Variants in NR5A2 observed in about 807,000 individuals in gnomAD.
NR5A2 encodes the protein nuclear receptor subfamily 5 group A member 2.
In NR5A2, 26 loss-of-function variants were observed where a neutral mutation model predicts 62.7. That is an observed-to-expected ratio of 0.41 (90% CI 0.30 to 0.58). NR5A2 has a LOEUF of 0.58. Ranked by LOEUF, NR5A2 falls within the 20% of genes least tolerant of loss-of-function variation. The pLI is 0.22. For missense variants in NR5A2, 541 were observed against 669.1 expected (o/e 0.81, Z 2.11); for synonymous variants, 246 against 241.7 (o/e 1.02, Z -0.16).
At chr1:200,167,178 A>G (rs918038158) in intron 7 of NR5A2, among the ~76,000 whole-genome samples, 4 of 152,114 alleles carry the variant, frequency 2.6e-5, no homozygotes, top group Non-Finnish European at 5.9e-5. Flanking sequence ...CTAGACCTTT[A>G]TGTCTGGCCA....
At chr1:200,111,700 CT>C (rs1279799431) in intron 6 of NR5A2, among the ~76,000 whole-genome samples, 1 of 152,098 alleles carries the variant, frequency 6.6e-6, no homozygotes. Context: ...GGAGTCCTTA[CT>C]ATTTTGGAAA....
chr1:200,051,556 G>GT (rs1300310922), intron 5 of NR5A2, among the ~76,000 whole-genome samples: 1 of 152,062 alleles, frequency 6.6e-6, no homozygotes, highest in Non-Finnish European at 1.5e-5. Context: ...AAGTACAAAC[G>GT]TGAGGGTCGT....
chr1:200,075,886 G>GTTTTC (rs71132656), intron 5 of NR5A2, among the ~76,000 whole-genome samples: 7,577 of 150,330 alleles, frequency 0.05, 341 homozygotes, highest in African/African-American at 0.12. Flanking sequence ...AAGCTCTTCT[G>GTTTTC]TTTTCTTTTC....
intron 4 of NR5A2, among the ~76,000 whole-genome samples, chr1:200,046,741 G>T (rs1662383866): frequency 6.6e-6 from 1 of 152,156 alleles, no homozygotes; most frequent in South Asian, 2.1e-4. Context: ...AAATATTGTG[G>T]TAGATGCTTA....
At chr1:200,075,523 T>C (rs1424944835) in intron 5 of NR5A2, among the ~76,000 whole-genome samples, 1 of 152,378 alleles carries the variant, frequency 6.6e-6, no homozygotes, top group East Asian at 1.9e-4. Context: ...GCAAGTAGTT[T>C]AGAATTAGAC....
chr1:200,035,752 C>CT (rs1262748065), intron 1 of NR5A2, among the ~76,000 whole-genome samples: 3 of 152,104 alleles, frequency 2.0e-5, no homozygotes, highest in Non-Finnish European at 4.4e-5. Flanking sequence ...TCAATCAACA[C>CT]TTTAAGACAA....
chr1:200,120,737 G>T, intron 6 of NR5A2, 71 bp from the exon 7 acceptor site: 1 of 1,436,358 alleles, frequency 7.0e-7, no homozygotes, highest in South Asian at 1.5e-5. Context: ...TTTACCCATA[G>T]TTCTTACGAC....
intron 5 of NR5A2, 66 bp from the exon 6 acceptor site, chr1:200,111,134 CAA>C (rs1472557292): frequency 1.0e-5 from 16 of 1,559,026 alleles, no homozygotes; most frequent in Middle Eastern, 3.5e-4. Context: ...TACACAAAAA[CAA>C]AAAAGTAGTG....
chr1:200,111,297 C>T lies in NR5A2; in HGVS notation c.1206C>T (p.Ser402=). ...YRQVVHGKEG[S]IFLVTGQQVD... Reference sequence around the variant, plus strand: ...AAGTGGTACATGGAAAGGAAGGATCCATCTTCCTGGTTACTGGGCAACAAG... The same window carrying T: ...AAGTGGTACATGGAAAGGAAGGATCTATCTTCCTGGTTACTGGGCAACAAG... The change falls in exon 6 of 8, where the codon TCC becomes TCT. Residue 402 remains serine, a synonymous_variant. Coordinates refer to ENST00000367362, the MANE Select transcript of NR5A2 (RefSeq NM_205860.3). 6.2e-7 allele frequency: 1 copy of T among 1,607,288 alleles called. No homozygotes were observed. The highest frequency in any genetic ancestry group is 1.1e-5 in the South Asian group (1 of 90,842).
intron 5 of NR5A2, among the ~76,000 whole-genome samples, chr1:200,056,107 G>A (rs901860785): frequency 1.3e-5 from 2 of 152,138 alleles, no homozygotes; most frequent in African/African-American, 4.8e-5. Context: ...GAGAATTTAT[G>A]TTATTTCAGC....
chr1:200,147,940 T>C lies in NR5A2; in HGVS notation c.1379-26023T>C. 1 of 358,398 alleles carries C rather than the reference T, an allele frequency of 2.8e-6. No individual in the cohort carries two copies. Among genetic ancestry groups the C allele is most frequent in the East Asian group, 6.9e-5 (1 of 14,580 alleles). The allele number at this position is 358,398 out of a possible 1,614,324, so 22.2% of individuals were successfully genotyped here. On this transcript the variant is annotated intron_variant, in intron 7 of 7. Coordinates refer to ENST00000367362, the MANE Select transcript of NR5A2 (RefSeq NM_205860.3). This position sits in a 1 kb window ranked among gnomAD's most constrained non-coding sequence, Gnocchi z 4.9. ...GATGTGGTGCAGCGCTTCGCCGGTGTTGGTGTTGCCCTGTGGTAGGCGATG... is the reference window on the plus strand; with the variant it reads ...GATGTGGTGCAGCGCTTCGCCGGTGCTGGTGTTGCCCTGTGGTAGGCGATG...
chr1:200,173,915 T>G, intron 7 of NR5A2, 48 bp from the exon 8 acceptor site: 1 of 1,402,298 alleles, frequency 7.1e-7, no homozygotes, highest in South Asian at 1.7e-5. Context: ...AAACAGGAAT[T>G]GAAATGCTAT....
intron 5 of NR5A2, among the ~76,000 whole-genome samples, chr1:200,103,945 G>A (rs1000419544): frequency 1.3e-5 from 2 of 152,044 alleles, no homozygotes; most frequent in South Asian, 2.1e-4. Context: ...AGATTCTGGG[G>A]GACTATTGGG....
intron 1 of NR5A2, among the ~76,000 whole-genome samples, chr1:200,038,377 G>T (rs933922236): frequency 2.0e-4 from 30 of 152,202 alleles, no homozygotes; most frequent in African/African-American, 6.0e-4. Context: ...CTAGGGAGCA[G>T]ACTGGGGAAA....
At chr1:200,136,418 G>C (rs7534725) in intron 7 of NR5A2, among the ~76,000 whole-genome samples, 1 of 152,168 alleles carries the variant, frequency 6.6e-6, no homozygotes, top group African/African-American at 2.4e-5. Context: ...CAGTATGTTC[G>C]ATTATAATAG....
intron 5 of NR5A2, among the ~76,000 whole-genome samples, chr1:200,066,346 A>G (rs1026116192): frequency 2.0e-5 from 3 of 152,012 alleles, no homozygotes; most frequent in Non-Finnish European, 2.9e-5. Context: ...GAGAAGGGGA[A>G]CCAGACCATC....
At position 200,027,778 on chromosome 1, in the gene NR5A2, C is replaced by T; in HGVS notation, c.-70C>T. 2 of 1,163,034 alleles carry T rather than the reference C, an allele frequency of 1.7e-6. No homozygotes were observed. Among genetic ancestry groups the T allele is most frequent in the Non-Finnish European group, 2.5e-6 (2 of 801,622 alleles). The allele number at this position is 1,163,034 out of a possible 1,614,324, so 72.0% of individuals were successfully genotyped here. On this transcript the variant is annotated 5_prime_UTR_variant, in exon 1 of 8. Coordinates refer to ENST00000367362, the MANE Select transcript of NR5A2 (RefSeq NM_205860.3). ...TCCTTCCCAAGGCCACGAAATTTGA[C>T]AAGCTGCACTTTTCTTTTGCTCAAT...
At chr1:200,061,792 A>G (rs574436875) in intron 5 of NR5A2, among the ~76,000 whole-genome samples, 1 of 152,308 alleles carries the variant, frequency 6.6e-6, no homozygotes, top group South Asian at 2.1e-4. Context: ...CCTTTCATCA[A>G]TGGTTTAGTA....
At chr1:200,106,996 A>G (rs1665708333) in intron 5 of NR5A2, among the ~76,000 whole-genome samples, 1 of 152,240 alleles carries the variant, frequency 6.6e-6, no homozygotes, top group Non-Finnish European at 1.5e-5. Flanking sequence ...CTCCTCGGAG[A>G]GTATTAAAAC....
Sources: allele counts gnomAD v4.1 joint callset (sites outside exome capture counted in the v4.1 genomes callset), GRCh38; gene constraint gnomAD v4.1.1; non-coding constraint Gnocchi (gnomAD v3.1); transcripts MANE v1.5; gene names NCBI Gene and HGNC (gene_info 2026-07-23, HGNC 2026-07-21).